Variants in LOC128706666 observed in about 807,000 individuals in gnomAD.
At chr20:10,426,329 G>C in the LOC128706666 span, among the ~76,000 whole-genome samples, 1 of 152,200 alleles carries the variant, frequency 6.6e-6, no homozygotes, top group South Asian at 2.1e-4. Flanking sequence ...CACGGATGAG[G>C]GGAACATTTG....
chr20:10,427,889 G>A, the LOC128706666 span, among the ~76,000 whole-genome samples: 1 of 152,146 alleles, frequency 6.6e-6, no homozygotes, highest in Non-Finnish European at 1.5e-5. Context: ...AACCATTCAA[G>A]GTCAGCTTGA....
chr20:10,427,081 A>ACACACACACACACACACACACAC, the LOC128706666 span, among the ~76,000 whole-genome samples: 2 of 85,700 alleles, frequency 2.3e-5, no homozygotes. Flanking sequence ...CACACACACA[A>ACACACACACACACACACACACAC]AGTAAGGTTA....
the LOC128706666 span, among the ~76,000 whole-genome samples, chr20:10,429,952 G>A: frequency 6.6e-6 from 1 of 152,148 alleles, no homozygotes; most frequent in Non-Finnish European, 1.5e-5. Flanking sequence ...TAATTCTGAA[G>A]CTAAAGTTTG....
the LOC128706666 span, among the ~76,000 whole-genome samples, chr20:10,426,452 G>A: frequency 1.3e-5 from 2 of 152,212 alleles, no homozygotes; most frequent in Non-Finnish European, 2.9e-5. Flanking sequence ...GTTGCCCAAG[G>A]GGGAGCGTAG....
At chr20:10,425,049 G>A in the LOC128706666 span, among the ~76,000 whole-genome samples, 4 of 139,058 alleles carry the variant, frequency 2.9e-5, no homozygotes, top group Non-Finnish European at 4.6e-5. Context: ...GCTAAACTCC[G>A]TCTCAAAAAA....
At chr20:10,420,937 A>G in the LOC128706666 span, among the ~76,000 whole-genome samples, 1 of 152,196 alleles carries the variant, frequency 6.6e-6, no homozygotes, top group Non-Finnish European at 1.5e-5. Flanking sequence ...ATTGACCCAA[A>G]GGGAGCAGGC....
chr20:10,415,830 C>T, the LOC128706666 span, among the ~76,000 whole-genome samples: 1 of 152,174 alleles, frequency 6.6e-6, no homozygotes, highest in East Asian at 1.9e-4. Flanking sequence ...AGTAGTGAGA[C>T]CAGTACACAT....
the LOC128706666 span, among the ~76,000 whole-genome samples, chr20:10,422,647 T>C: frequency 3.9e-5 from 6 of 152,168 alleles, no homozygotes; most frequent in African/African-American, 1.4e-4. Context: ...TTATATCCAG[T>C]CTCAATACTT....
At chr20:10,427,883 A>T in the LOC128706666 span, among the ~76,000 whole-genome samples, 1 of 152,174 alleles carries the variant, frequency 6.6e-6, no homozygotes, top group African/African-American at 2.4e-5. Context: ...CCACCAAACC[A>T]TTCAAGGTCA....
chr20:10,426,241 C>CA, the LOC128706666 span, among the ~76,000 whole-genome samples: 1 of 152,206 alleles, frequency 6.6e-6, no homozygotes, highest in South Asian at 2.1e-4. Flanking sequence ...GCCTAGTACT[C>CA]TACTAAGCAA....
At chr20:10,418,599 T>C in the LOC128706666 span, among the ~76,000 whole-genome samples, 1 of 152,156 alleles carries the variant, frequency 6.6e-6, no homozygotes, top group East Asian at 1.9e-4. Flanking sequence ...TAACTATTGC[T>C]GCACTGGCAT....
the LOC128706666 span, among the ~76,000 whole-genome samples, chr20:10,426,510 G>A: frequency 5.3e-5 from 8 of 152,066 alleles, no homozygotes; most frequent in East Asian, 7.7e-4. Flanking sequence ...AGGGATTCTC[G>A]TACCTCAGCC....
the LOC128706666 span, among the ~76,000 whole-genome samples, chr20:10,422,427 G>T: frequency 6.6e-6 from 1 of 152,090 alleles, no homozygotes; most frequent in African/African-American, 2.4e-5. Flanking sequence ...ATTTCATTGT[G>T]AAGTCCAAAG....
chr20:10,421,269 A>AAAGTAT, the LOC128706666 span, among the ~76,000 whole-genome samples: 21,652 of 151,964 alleles, frequency 0.14, 1,720 homozygotes, highest in East Asian at 0.24. Flanking sequence ...GTTTCTACTA[A>AAAGTAT]AAGTATTAGT....
At chr20:10,428,567 G>A in the LOC128706666 span, among the ~76,000 whole-genome samples, 30 of 152,268 alleles carry the variant, frequency 2.0e-4, no homozygotes, top group East Asian at 1.7e-3. Flanking sequence ...AGCTGGGCGC[G>A]GTGGCTCACG....
the LOC128706666 span, among the ~76,000 whole-genome samples, chr20:10,421,332 G>C: frequency 6.6e-6 from 1 of 151,158 alleles, no homozygotes; most frequent in East Asian, 1.9e-4. Flanking sequence ...GCTGAGTCAG[G>C]AGACTTGCTT....
At chr20:10,417,533 C>T in the LOC128706666 span, among the ~76,000 whole-genome samples, 63 of 152,224 alleles carry the variant, frequency 4.1e-4, no homozygotes, top group East Asian at 0.012. Context: ...ATGGCCTGTG[C>T]CCAAGAGTTT....
chr20:10,427,029 G>GACACACAGACAC, the LOC128706666 span, among the ~76,000 whole-genome samples: 1 of 130,724 alleles, frequency 7.6e-6, no homozygotes, highest in Admixed American at 7.8e-5. Context: ...AGAAAACACT[G>GACACACAGACAC]ACACACACAC....
chr20:10,429,333 C>T, the LOC128706666 span, among the ~76,000 whole-genome samples: 2 of 152,152 alleles, frequency 1.3e-5, no homozygotes, highest in Non-Finnish European at 2.9e-5. Context: ...TGCTGGTTTC[C>T]ATCCACCTAT....
Sources: allele counts gnomAD v4.1 joint callset (sites outside exome capture counted in the v4.1 genomes callset), GRCh38; gene constraint gnomAD v4.1.1; transcripts MANE v1.5.